Variants in SYBU observed in about 807,000 individuals in gnomAD.
The protein encoded by SYBU is syntabulin.
A neutral mutation model predicts 35.9 loss-of-function variants in SYBU; 21 were observed. The observed-to-expected ratio is 0.58, with a 90% CI of 0.41 to 0.84. SYBU has a LOEUF of 0.84. Among genes scored for constraint, SYBU ranks in the 40% least tolerant of loss-of-function variants. The probability of loss-of-function intolerance (pLI) is 0.00; values close to 1 mark genes in which losing one functional copy is unlikely to be tolerated. For synonymous variants in SYBU, 319 were observed against 324.3 expected (o/e 0.98, Z 0.18); for missense variants, 768 against 848.2 (o/e 0.91, Z 1.17).
intron 1 of SYBU, chr8:109,643,228 C>T: frequency 1.9e-6 from 2 of 1,070,210 alleles, no homozygotes; most frequent in South Asian, 4.5e-5. Flanking sequence ...TATGCTGGTC[C>T]TGACTCACCT....
At chr8:109,676,949 T>C (rs1178574571) in intron 1 of SYBU, among the ~76,000 whole-genome samples, 1 of 152,178 alleles carries the variant, frequency 6.6e-6, no homozygotes, top group African/African-American at 2.4e-5. Context: ...GGAATATATG[T>C]TGTGGAAAAA....
At chr8:109,591,337 T>C (rs144128198) in intron 3 of SYBU, among the ~76,000 whole-genome samples, 1,848 of 152,194 alleles carry the variant, frequency 0.012, 40 homozygotes, top group African/African-American at 0.042. Flanking sequence ...AATAGCGGTG[T>C]CTCTTGGGAA....
At chr8:109,637,511 C>T (rs545573372) in intron 2 of SYBU, among the ~76,000 whole-genome samples, 12 of 152,140 alleles carry the variant, frequency 7.9e-5, no homozygotes, top group Non-Finnish European at 1.6e-4. Context: ...GGTGAGGCTG[C>T]TAAGCATTTG....
intron 2 of SYBU, 95 bp from the exon 3 acceptor site, chr8:109,619,134 T>A: frequency 1.1e-6 from 1 of 871,434 alleles, no homozygotes; most frequent in Non-Finnish European, 1.8e-6. Context: ...ACACGTGCAC[T>A]CGCACACGTA....
upstream of SYBU, chr8:109,645,528 G>A: frequency 5.9e-6 from 2 of 340,138 alleles, no homozygotes; most frequent in Admixed American, 7.6e-5. Context: ...TAAGGGAAGA[G>A]CACTGGAATT....
chr8:109,590,998 C>G (rs904592488), intron 3 of SYBU, among the ~76,000 whole-genome samples: 2 of 152,126 alleles, frequency 1.3e-5, no homozygotes, highest in Non-Finnish European at 2.9e-5. Flanking sequence ...GTGAATTATG[C>G]TACATGCATA....
intron 1 of SYBU, among the ~76,000 whole-genome samples, chr8:109,660,372 T>A (rs1023319987): frequency 3.3e-5 from 5 of 152,206 alleles, no homozygotes; most frequent in South Asian, 2.1e-4. Flanking sequence ...TGTATTTACG[T>A]TAGTATTGTA....
rs1034993303 is a variant in SYBU at position 109,580,141 on chromosome 8, A to G, written c.531-139T>C. On this transcript the variant is annotated intron_variant, in intron 4 of 6. Coordinates refer to ENST00000276646, the MANE Select transcript of SYBU (RefSeq NM_001099754.2). Reference sequence around the variant, plus strand: ...ACAATTATTCGTGTAGACTGTCCTTAGGAGCGGCCTTCTTCCCACCTGCCT... The same window carrying G: ...ACAATTATTCGTGTAGACTGTCCTTGGGAGCGGCCTTCTTCCCACCTGCCT... The G allele has an allele frequency of 1.2e-4, 89 of 760,784 alleles. 1 individual carries two copies. Among genetic ancestry groups the G allele is most frequent in the Non-Finnish European group, 1.7e-4 (81 of 470,890 alleles). 47.1% of individuals were successfully genotyped at this position (760,784 alleles called of 1,614,324 possible).
At chr8:109,681,323 A>G (rs947936829), upstream of SYBU, among the ~76,000 whole-genome samples, 10 of 152,242 alleles carry the variant, frequency 6.6e-5, no homozygotes, top group East Asian at 1.9e-3. Context: ...TAAGCTTAGT[A>G]TAATGGGATG....
rs1821951911 is a variant in SYBU, at chr8:109,574,169, G to A, written c.*737C>T. 6.6e-6 allele frequency: 1 copy of A among 152,110 alleles called. No homozygotes were observed. Among genetic ancestry groups the A allele is most frequent in the African/African-American group, 2.4e-5 (1 of 41,400 alleles). 9.4% of individuals were successfully genotyped at this position (152,110 alleles called of 1,614,324 possible). ...TCTTATACATAGAAGTAAAATCACAGAAATAATTATTATTTTATGGGAGGA... is the reference window on the plus strand; with the variant it reads ...TCTTATACATAGAAGTAAAATCACAAAAATAATTATTATTTTATGGGAGGA... On this transcript the variant is annotated 3_prime_UTR_variant, in exon 7 of 7. Transcript: ENST00000276646.
intron 2 of SYBU, among the ~76,000 whole-genome samples, chr8:109,626,134 T>C (rs993673581): frequency 1.3e-5 from 2 of 152,226 alleles, no homozygotes; most frequent in Non-Finnish European, 2.9e-5. Context: ...AAGTTCAGGT[T>C]TTCTTACTGA....
At chr8:109,673,308 C>T (rs1422826609) in intron 1 of SYBU, among the ~76,000 whole-genome samples, 3 of 152,248 alleles carry the variant, frequency 2.0e-5, no homozygotes, top group South Asian at 4.1e-4. Flanking sequence ...GGCGGGTGCC[C>T]CTCTGGGATG....
intron 3 of SYBU, among the ~76,000 whole-genome samples, chr8:109,613,543 C>T (rs1462373894): frequency 6.6e-6 from 1 of 151,948 alleles, no homozygotes; most frequent in African/African-American, 2.4e-5. Flanking sequence ...TCCCCCCCAC[C>T]CAATAACACA....
intron 1 of SYBU, among the ~76,000 whole-genome samples, chr8:109,686,810 T>C (rs1002027624): frequency 1.3e-5 from 2 of 152,226 alleles, no homozygotes; most frequent in African/African-American, 2.4e-5. Context: ...TGAGATTAAA[T>C]TCATATTTCA....
rs573662144 is a variant in SYBU at position 109,690,790 on chromosome 8, A to G, written c.-58+543T>C. On this transcript the variant is annotated intron_variant, in intron 1 of 7. Coordinates refer to the SYBU transcript ENST00000422135. ...AACGTAGCCCTTCAACAGCACATTAATGGAAAATGGCTCATCCTTTCTCAC... is the reference window on the plus strand; with the variant it reads ...AACGTAGCCCTTCAACAGCACATTAGTGGAAAATGGCTCATCCTTTCTCAC... Among the ~76,000 whole-genome samples the G allele has an allele frequency of 2.6e-5, 4 of 152,276 alleles. 1 individual carries two copies. The South Asian group carries it at 8.3e-4, about 32-fold the overall frequency.
At position 109,575,733 on chromosome 8, in the gene SYBU, A is replaced by G; in HGVS notation, c.1165T>C (p.Cys389Arg). Residue 389 changes from cysteine to arginine, a missense_variant, in exon 7 of 7, where the codon TGC becomes CGC. Transcript: ENST00000276646. ...GGGGAATCACATGGAAAGTCTAGGC[A>G]CAGTTCGTCCCTCAGAGAGCCACTG... Reference protein sequence around the residue: ...AHSGSLRDELCLDFPCDSPEK... With the variant: ...AHSGSLRDELRLDFPCDSPEK... 6.2e-7 allele frequency: 1 copy of G among 1,614,158 alleles called. No homozygotes were observed. The highest frequency in any genetic ancestry group is 2.2e-5 in the East Asian group (1 of 44,884).
intron 1 of SYBU, among the ~76,000 whole-genome samples, chr8:109,686,693 G>C (rs745644675): frequency 6.1e-5 from 9 of 146,494 alleles, no homozygotes; most frequent in Admixed American, 1.3e-4. Context: ...CAGTTAATAA[G>C]TTGAACCTAA....
intron 3 of SYBU, chr8:109,608,074 A>T (rs1744167188): frequency 1.2e-6 from 1 of 863,010 alleles, no homozygotes; most frequent in Non-Finnish European, 1.7e-6. Flanking sequence ...AGCCTTCTGC[A>T]TGTGCAGGGC....
chr8:109,638,308 G>A (rs1002479967), intron 2 of SYBU, among the ~76,000 whole-genome samples: 34 of 152,144 alleles, frequency 2.2e-4, no homozygotes, highest in African/African-American at 6.0e-4. Context: ...CTAGGTCATC[G>A]GCTTTTCTAA....
Sources: gnomAD v4.1 joint callset for allele counts (sites outside exome capture counted in the v4.1 genomes callset) on GRCh38, gnomAD v4.1.1 for gene constraint, MANE v1.5 for transcripts, NCBI Gene and HGNC (gene_info 2026-07-23, HGNC 2026-07-21) for gene names.